TYW1B: variants seen among roughly 807,000 people sequenced by gnomAD.
TYW1B encodes the protein S-adenosyl-L-methionine-dependent tRNA 4-demethylwyosine synthase TYW1B.
TYW1B carries 73 observed loss-of-function variants against 86.9 expected under a neutral mutation model. The ratio of observed to expected loss-of-function variants is 0.84; its 90% confidence interval spans 0.70 to 1.02. The LOEUF is 1.02. Ranked by LOEUF, TYW1B falls within the 50% of genes least tolerant of loss-of-function variation. The probability of loss-of-function intolerance (pLI) is 0.00; values close to 1 mark genes in which losing one functional copy is unlikely to be tolerated. For missense variants in TYW1B, 637 were observed against 827.4 expected, an observed-to-expected ratio of 0.77 and a Z score of 2.82; for synonymous variants, 248 against 292.8, an observed-to-expected ratio of 0.85 and a Z score of 1.56.
intron 7 of TYW1B, among the ~76,000 whole-genome samples, chr7:72,747,871 T>A (rs1787422393): frequency 6.6e-6 from 1 of 152,232 alleles, no homozygotes; most frequent in Non-Finnish European, 1.5e-5. Flanking sequence ...ATTTTCAGCA[T>A]CCAGTCCTGT....
intron 11 of TYW1B, among the ~76,000 whole-genome samples, chr7:72,666,351 A>G (rs1200517265): frequency 6.6e-6 from 1 of 152,196 alleles, no homozygotes; most frequent in Non-Finnish European, 1.5e-5. Flanking sequence ...GCTTAAGCCC[A>G]GGAGGCGGAG....
intron 7 of TYW1B, among the ~76,000 whole-genome samples, chr7:72,756,055 T>G (rs1401410602): frequency 1.3e-5 from 2 of 152,008 alleles, no homozygotes; most frequent in African/African-American, 2.4e-5. Flanking sequence ...AGAAGGAGCA[T>G]GTAGAAATGG....
Position 72,629,017 on chromosome 7 carries a change from A to T in TYW1B, c.1507-20T>A. On this transcript the variant is annotated intron_variant, in intron 11 of 13. Transcript: ENST00000620995. ...TTGTTGCTAAAACAAAGGAAAAGCC[A>T]ACTTCGTTGTTATCTTGGTGGATGT... 1 of 1,578,228 alleles carries T rather than the reference A, an allele frequency of 6.3e-7. No homozygotes were observed. The highest frequency in any genetic ancestry group is 8.6e-7 in the Non-Finnish European group (1 of 1,161,880).
intron 6 of TYW1B, among the ~76,000 whole-genome samples, chr7:72,782,770 G>A (rs1788070159): frequency 6.6e-6 from 1 of 152,106 alleles, no homozygotes; most frequent in African/African-American, 2.4e-5. Context: ...TCAGCTACTG[G>A]GGAGGCTGAG....
chr7:72,755,726 G>A lies in TYW1B; in HGVS notation c.965-11125C>T, dbSNP rs569069286. ...CCTGCCCCATAGGATAAAGCCAGAG[G>A]AAAAGGAGTGAAAAACAGGAAGAAG... is the stretch of plus-strand genomic sequence containing the variant. On this transcript the variant is annotated intron_variant, in intron 7 of 13. Coordinates refer to ENST00000620995, the MANE Select transcript of TYW1B (RefSeq NM_001145440.3). Among the ~76,000 whole-genome samples, 3 of 152,312 alleles carry A rather than the reference G, an allele frequency of 2.0e-5. No homozygotes were observed. The East Asian group carries it at 5.8e-4, about 29-fold the overall frequency.
At chr7:72,693,127 G>A (rs1814213877) in intron 11 of TYW1B, among the ~76,000 whole-genome samples, 1 of 152,052 alleles carries the variant, frequency 6.6e-6, no homozygotes, top group African/African-American at 2.4e-5. Context: ...CTCATTATCA[G>A]TCAGATGTCA....
At chr7:72,581,708 A>C (rs1166965542) in intron 13 of TYW1B, among the ~76,000 whole-genome samples, 2 of 151,766 alleles carry the variant, frequency 1.3e-5, no homozygotes, top group African/African-American at 4.8e-5. Context: ...ACAAGCATAT[A>C]ACCAATGACC....
At chr7:72,633,322 G>A (rs11770360) in intron 11 of TYW1B, among the ~76,000 whole-genome samples, 13,255 of 110,264 alleles carry the variant, frequency 0.12, no homozygotes, top group African/African-American at 0.2. Context: ...AAAGATTCCC[G>A]TCTAACACCA....
intron 11 of TYW1B, among the ~76,000 whole-genome samples, chr7:72,658,153 G>C (rs1335347022): frequency 6.6e-6 from 1 of 152,108 alleles, no homozygotes; most frequent in Non-Finnish European, 1.5e-5. Context: ...AGCTACTTGG[G>C]AGGCTGAGAA....
intron 6 of TYW1B, among the ~76,000 whole-genome samples, chr7:72,789,626 T>C (rs1232710962): frequency 6.6e-6 from 1 of 152,144 alleles, no homozygotes; most frequent in African/African-American, 2.4e-5. Context: ...AGTATTATAT[T>C]CATCACAGTA....
intron 13 of TYW1B, among the ~76,000 whole-genome samples, chr7:72,610,482 C>T (rs1242245918): frequency 2.0e-5 from 3 of 151,968 alleles, no homozygotes; most frequent in African/African-American, 7.2e-5. Context: ...CCTGCACACT[C>T]GTTAATGGTC....
chr7:72,587,109 T>A (rs1157826950), intron 13 of TYW1B, among the ~76,000 whole-genome samples: 1 of 151,340 alleles, frequency 6.6e-6, no homozygotes, highest in African/African-American at 2.4e-5. Flanking sequence ...GCAGGGGGAG[T>A]ACTGATGAAA....
rs1414354406 is a variant in TYW1B at position 72,673,796 on chromosome 7, T to C, written c.1506+20891A>G. On this transcript the variant is annotated intron_variant, in intron 11 of 13. Transcript: ENST00000620995. Reference sequence around the variant, plus strand: ...CACAAAGGATAAATGCTGGAGAGGATAGATACCACATTTTCTATCACGTAA... The same window carrying C: ...CACAAAGGATAAATGCTGGAGAGGACAGATACCACATTTTCTATCACGTAA... Among the ~76,000 whole-genome samples, 9 of 152,162 alleles carry C rather than the reference T, an allele frequency of 5.9e-5. 1 individual carries two copies. The highest frequency in any genetic ancestry group is 8.8e-5 in the Non-Finnish European group (6 of 68,022).
At chr7:72,691,066 T>G (rs1314589734) in intron 11 of TYW1B, among the ~76,000 whole-genome samples, 1 of 152,200 alleles carries the variant, frequency 6.6e-6, no homozygotes, top group Non-Finnish European at 1.5e-5. Context: ...ATTTGAGTTT[T>G]TATATGTTTG....
chr7:72,638,717 A>G (rs1812728836), intron 11 of TYW1B, among the ~76,000 whole-genome samples: 1 of 152,226 alleles, frequency 6.6e-6, no homozygotes, highest in African/African-American at 2.4e-5. Context: ...AAGAAATAAA[A>G]CGGTCTTTGT....
chr7:72,602,858 A>T (rs1811699271), intron 13 of TYW1B, among the ~76,000 whole-genome samples: 1 of 151,142 alleles, frequency 6.6e-6, no homozygotes, highest in African/African-American at 2.4e-5. Flanking sequence ...ACACACACAC[A>T]CACACACACA....
At chr7:72,820,094 G>A (rs1554480176) in intron 2 of TYW1B, among the ~76,000 whole-genome samples, 1 of 152,114 alleles carries the variant, frequency 6.6e-6, no homozygotes, top group Non-Finnish European at 1.5e-5. Flanking sequence ...GACCAACATG[G>A]TGAAACCCCA....
At chr7:72,817,084 T>G (rs1390386925) in intron 2 of TYW1B, among the ~76,000 whole-genome samples, 2 of 151,968 alleles carry the variant, frequency 1.3e-5, no homozygotes, top group East Asian at 3.8e-4. Context: ...TAACTCCCAA[T>G]AGTAAGCATG....
intron 7 of TYW1B, chr7:72,769,105 T>C: frequency 2.5e-6 from 1 of 393,590 alleles, no homozygotes; most frequent in Non-Finnish European, 4.6e-6. Flanking sequence ...CATGCAGCAG[T>C]TTGGCATGGT....
Sources: allele counts gnomAD v4.1 joint callset (sites outside exome capture counted in the v4.1 genomes callset), GRCh38; gene constraint gnomAD v4.1.1; transcripts MANE v1.5; gene names NCBI Gene and HGNC (gene_info 2026-07-23, HGNC 2026-07-21).